Variants in CAMTA1 observed in about 807,000 individuals in gnomAD.
CAMTA1 encodes the protein calmodulin binding transcription activator 1, also known as calmodulin-binding transcription activator 1.
CAMTA1 carries 27 observed loss-of-function variants against 170.9 expected under a neutral mutation model. The ratio of observed to expected loss-of-function variants is 0.16; its 90% CI spans 0.12 to 0.22. The LOEUF (loss-of-function observed/expected upper bound fraction) is 0.22, where lower values mean the gene tolerates loss of function less well. Among genes scored for constraint, CAMTA1 ranks in the 10% least tolerant of loss-of-function variants. The pLI is 1.00. For synonymous variants in CAMTA1, 833 were observed against 891.5 expected (o/e 0.93, Z 1.17); for missense variants, 1,619 against 2,217.2 (o/e 0.73, Z 5.42).
chr1:7,127,759 G>A (rs1171289163), intron 4 of CAMTA1, among the ~76,000 whole-genome samples: 1 of 152,184 alleles, frequency 6.6e-6, no homozygotes, highest in African/African-American at 2.4e-5. Flanking sequence ...CAGGCAAGAG[G>A]ACCTAGCCTC....
chr1:7,459,722 C>T (rs1273141916), intron 5 of CAMTA1, among the ~76,000 whole-genome samples: 1 of 152,224 alleles, frequency 6.6e-6, no homozygotes. Flanking sequence ...GTCAAAGTCC[C>T]TCCCTGGTGC....
At chr1:7,342,143 C>T (rs2083879886) in intron 5 of CAMTA1, among the ~76,000 whole-genome samples, 1 of 152,184 alleles carries the variant, frequency 6.6e-6, no homozygotes. Context: ...TTAAGTCTGC[C>T]TCTTGAGGGC....
chr1:6,956,181 C>T (rs1407232370), intron 3 of CAMTA1, among the ~76,000 whole-genome samples: 1 of 152,178 alleles, frequency 6.6e-6, no homozygotes. Flanking sequence ...CTAGCAGGGC[C>T]AGAGGCTGCT....
At chr1:6,834,439 A>T in intron 3 of CAMTA1, 1 of 225,400 alleles carries the variant, frequency 4.4e-6, no homozygotes. Flanking sequence ...TCGTTCGGCC[A>T]GTCCTGGTGG....
intron 4 of CAMTA1, among the ~76,000 whole-genome samples, chr1:7,101,808 CA>C (rs1642744543): frequency 1.2e-5 from 1 of 83,962 alleles, no homozygotes; most frequent in South Asian, 2.8e-4. Flanking sequence ...GCACACAGCA[CA>C]AACACATATA....
chr1:7,662,113 C>T (rs1210570586), intron 8 of CAMTA1, among the ~76,000 whole-genome samples: 3 of 152,232 alleles, frequency 2.0e-5, no homozygotes, highest in South Asian at 2.1e-4. Flanking sequence ...GGACAGCTTC[C>T]TCCGTGGGGC....
chr1:6,890,792 G>A (rs1455835220), intron 3 of CAMTA1, among the ~76,000 whole-genome samples: 2 of 152,098 alleles, frequency 1.3e-5, no homozygotes, highest in African/African-American at 2.4e-5. Flanking sequence ...GGCTGGTCTT[G>A]GAACTCTTGG....
intron 3 of CAMTA1, among the ~76,000 whole-genome samples, chr1:6,858,051 A>T (rs1663105125): frequency 1.3e-5 from 2 of 152,242 alleles, no homozygotes; most frequent in African/African-American, 4.8e-5. Context: ...GAATGAATTA[A>T]TGATTCAGGA....
chr1:6,899,966 T>C (rs1676578704), intron 3 of CAMTA1, among the ~76,000 whole-genome samples: 1 of 152,252 alleles, frequency 6.6e-6, no homozygotes, highest in African/African-American at 2.4e-5. Flanking sequence ...TGCTGTTGGA[T>C]TGTCAGTTAC....
chr1:7,431,493 T>C (rs2092150008), intron 5 of CAMTA1, among the ~76,000 whole-genome samples: 1 of 152,176 alleles, frequency 6.6e-6, no homozygotes, highest in Non-Finnish European at 1.5e-5. Flanking sequence ...AGGTCCCTGA[T>C]CGCTGGGAAG....
At chr1:7,553,386 G>A (rs2094834141) in intron 6 of CAMTA1, among the ~76,000 whole-genome samples, 1 of 152,242 alleles carries the variant, frequency 6.6e-6, no homozygotes, top group Admixed American at 6.5e-5. Context: ...TAGAGAAAGT[G>A]TAGTCATCCA....
At chr1:6,985,565 C>T (rs1002612738) in intron 3 of CAMTA1, among the ~76,000 whole-genome samples, 2 of 152,214 alleles carry the variant, frequency 1.3e-5, no homozygotes, top group African/African-American at 2.4e-5. Context: ...TATACACTTA[C>T]AATCTCTCTG....
chr1:7,741,512 A>C (rs1489623439), intron 16 of CAMTA1, among the ~76,000 whole-genome samples: 1 of 151,752 alleles, frequency 6.6e-6, no homozygotes, highest in African/African-American at 2.4e-5. Flanking sequence ...CAGCTAGCCG[A>C]CATCGCACCA....
At chr1:7,319,416 C>T (rs1054721514) in intron 5 of CAMTA1, among the ~76,000 whole-genome samples, 7 of 152,200 alleles carry the variant, frequency 4.6e-5, no homozygotes, top group Non-Finnish European at 8.8e-5. Flanking sequence ...ATCTCCACCC[C>T]GCTTCCTCCT....
chr1:6,880,009 C>CA (rs1322572044), intron 3 of CAMTA1, among the ~76,000 whole-genome samples: 1 of 152,036 alleles, frequency 6.6e-6, no homozygotes, highest in Admixed American at 6.5e-5. Context: ...AATAGAGAAG[C>CA]ATCAGCAAAC....
chr1:6,926,682 T>TC (rs1683338086), intron 3 of CAMTA1, among the ~76,000 whole-genome samples: 1 of 93,170 alleles, frequency 1.1e-5, no homozygotes, highest in Non-Finnish European at 2.3e-5. Flanking sequence ...TTCATTTCCT[T>TC]CCTTCCTTCC....
chr1:7,546,202 C>T (rs935119605), intron 6 of CAMTA1, among the ~76,000 whole-genome samples: 2 of 152,142 alleles, frequency 1.3e-5, no homozygotes, highest in Non-Finnish European at 2.9e-5. Context: ...GTGATCCACC[C>T]ACCTCAGCCT....
intron 5 of CAMTA1, among the ~76,000 whole-genome samples, chr1:7,427,758 A>T (rs916739375): frequency 6.6e-6 from 1 of 152,218 alleles, no homozygotes; most frequent in African/African-American, 2.4e-5. Flanking sequence ...TCTGCCGCCC[A>T]GGGACGAGGC....
At chr1:6,834,019 T>G (rs978589679) in intron 3 of CAMTA1, among the ~76,000 whole-genome samples, 4 of 152,132 alleles carry the variant, frequency 2.6e-5, no homozygotes, top group African/African-American at 4.8e-5. Flanking sequence ...TTGGCCTCTC[T>G]TGGGTCTTAG....
Sources: gnomAD v4.1 joint callset for allele counts (sites outside exome capture counted in the v4.1 genomes callset) on GRCh38, gnomAD v4.1.1 for gene constraint, MANE v1.5 for transcripts, NCBI Gene and HGNC (gene_info 2026-07-23, HGNC 2026-07-21) for gene names.